TRIM77: variants seen among roughly 807,000 people sequenced by gnomAD.
The protein encoded by TRIM77 is tripartite motif containing 77.
TRIM77 carries 23 observed loss-of-function variants against 31.8 expected under a neutral mutation model. That is an observed-to-expected ratio of 0.72 (90% confidence interval 0.52 to 1.02). The LOEUF is 1.02. Among genes scored for constraint, TRIM77 ranks in the 50% least tolerant of loss-of-function variants. TRIM77 has a pLI of 0.00. For missense variants in TRIM77, 446 were observed against 539.2 expected (o/e 0.83, Z 1.71); for synonymous variants, 159 against 183.1 (o/e 0.87, Z 1.06).
In TRIM77 at chr11:89,717,473, G is replaced by A; in HGVS notation, c.954G>A (p.Met318Ile). The change falls in exon 6 of 6, where the codon ATG (methionine) becomes ATA (isoleucine). Residue 318 changes from methionine (M) to isoleucine (I), a missense_variant. Met to Ile is a conservative substitution (Grantham distance 10). Coordinates refer to ENST00000398290, the MANE Select transcript of TRIM77 (RefSeq NM_001146162.1). ...HLQCSLDDTD[M>I]SCNPTSTQYT... ...AGTGCAGCCTTGATGATACAGACAT[G>A]TCCTGTAATCCAACAAGTACACAGT... The A allele has an allele frequency of 6.4e-7, 1 of 1,551,526 alleles. No homozygotes were observed. Among genetic ancestry groups the A allele is most frequent in the Non-Finnish European group, 8.7e-7 (1 of 1,146,878 alleles).
intron 3 of TRIM77, among the ~76,000 whole-genome samples, chr11:89,714,703 T>C (rs1445474812): frequency 6.6e-6 from 1 of 152,200 alleles, no homozygotes; most frequent in African/African-American, 2.4e-5. Context: ...TTCTTAGTAG[T>C]TGCAACAGAG....
At chr11:89,713,159 C>A (rs2134544137) in intron 2 of TRIM77, among the ~76,000 whole-genome samples, 1 of 150,654 alleles carries the variant, frequency 6.6e-6, no homozygotes, top group Admixed American at 6.7e-5. Flanking sequence ...GTAGTCCCAG[C>A]TACTTAGGAC....
At chr11:89,716,279 A>G (rs1949160681) in intron 5 of TRIM77, among the ~76,000 whole-genome samples, 1 of 152,184 alleles carries the variant, frequency 6.6e-6, no homozygotes, top group Non-Finnish European at 1.5e-5. Flanking sequence ...TAAAGCATTC[A>G]TTTTTCAGTG....
chr11:89,712,883 A>G (rs1259857644), intron 2 of TRIM77, among the ~76,000 whole-genome samples: 3 of 152,160 alleles, frequency 2.0e-5, no homozygotes, highest in Admixed American at 6.5e-5. Context: ...AGCTAGATGA[A>G]GTAATTGGGA....
At chr11:89,714,450 G>A in intron 3 of TRIM77, 28 bp downstream of exon 3, 3 of 1,441,046 alleles carry the variant, frequency 2.1e-6, no homozygotes, top group Non-Finnish European at 2.9e-6. Flanking sequence ...TCAGGGTGCT[G>A]AACACCACCC....
At chr11:89,712,951 G>A (rs1284265029) in intron 2 of TRIM77, among the ~76,000 whole-genome samples, 1 of 152,008 alleles carries the variant, frequency 6.6e-6, no homozygotes, top group African/African-American at 2.4e-5. Flanking sequence ...GTATTTAAAG[G>A]TGGTATGGAA....
intron 2 of TRIM77, among the ~76,000 whole-genome samples, chr11:89,712,797 C>T (rs1232153927): frequency 6.6e-6 from 1 of 152,134 alleles, no homozygotes; most frequent in Non-Finnish European, 1.5e-5. Flanking sequence ...TCTTTAATCA[C>T]ACACATGAGC....
Position 89,717,725 on chromosome 11 carries a change from G to T in TRIM77, c.1206G>T (p.Arg402Ser), listed in dbSNP as rs1464892306. 3 of 1,551,216 alleles carry T rather than the reference G, an allele frequency of 1.9e-6. No homozygotes were observed. The highest frequency in any genetic ancestry group is 1.7e-6 in the Non-Finnish European group (2 of 1,146,712). Residue 402 changes from arginine (R) to serine (S), a missense_variant, in exon 6 of 6, where the codon AGG becomes AGT. Coordinates refer to ENST00000398290, the MANE Select transcript of TRIM77 (RefSeq NM_001146162.1). ...CACTGTTACCTCACTATATTCCAAG[G>T]CCCCAAGGCTGGCTAGGGGTGTTCC... ...TSPLLPHYIP[R>S]PQGWLGVFLD...
intron 4 of TRIM77, among the ~76,000 whole-genome samples, chr11:89,715,474 T>C (rs1254343325): frequency 1.3e-5 from 2 of 152,060 alleles, no homozygotes; most frequent in Non-Finnish European, 2.9e-5. Context: ...GAAAGGCAAA[T>C]AATCTCAGAG....
intron 2 of TRIM77, among the ~76,000 whole-genome samples, chr11:89,712,881 G>T (rs1949131882): frequency 6.6e-6 from 1 of 152,112 alleles, no homozygotes; most frequent in South Asian, 2.1e-4. Flanking sequence ...GAAGCTAGAT[G>T]AAGTAATTGG....
intron 2 of TRIM77, among the ~76,000 whole-genome samples, 174 bp downstream of exon 2, chr11:89,711,679 A>T (rs1949123327): frequency 6.6e-6 from 1 of 152,192 alleles, no homozygotes; most frequent in Non-Finnish European, 1.5e-5. Flanking sequence ...GTTGAATCCA[A>T]TATATAACTA....
intron 2 of TRIM77, among the ~76,000 whole-genome samples, chr11:89,712,105 C>T (rs1231607774): frequency 6.6e-6 from 1 of 152,060 alleles, no homozygotes; most frequent in African/African-American, 2.4e-5. Context: ...AATCCATTCA[C>T]AAATATGAAT....
At chr11:89,714,088 A>G (rs1967075) in intron 2 of TRIM77, 104 bp from the exon 3 acceptor site, 250,327 of 735,582 alleles carry the variant, frequency 0.34, 44,066 homozygotes, top group Non-Finnish European at 0.38. Context: ...GCATTAAACT[A>G]TATTTAGTAG....
chr11:89,713,723 G>A (rs1385405633), intron 2 of TRIM77, among the ~76,000 whole-genome samples: 1 of 152,066 alleles, frequency 6.6e-6, no homozygotes, highest in Non-Finnish European at 1.5e-5. Flanking sequence ...ATAGAGATGT[G>A]TAGTCTTAGG....
chr11:89,711,452 C>T lies in TRIM77; in HGVS notation c.454C>T (p.Gln152Ter), dbSNP rs1452270025. ...IQMKSIWKKKQKNQRNLNRET... is the reference protein window; with the variant it reads ...IQMKSIWKKK ...AATGAAGTCCATCTGGAAAAAAAAA[C>T]AGAAAAATCAAAGAAATCTAAACAG... Residue 152 changes from glutamine to a stop codon, truncating the protein, a stop_gained, in exon 2 of 6, where the codon CAG becomes TAG. Coordinates refer to ENST00000398290, the MANE Select transcript of TRIM77 (RefSeq NM_001146162.1). LOFTEE classifies it high-confidence loss of function. The T allele has an allele frequency of 2.0e-5, 30 of 1,509,228 alleles. No homozygotes were observed. Among genetic ancestry groups the T allele is most frequent in the Admixed American group, 5.0e-5 (2 of 40,350 alleles). The allele number at this position is 1,509,228 out of a possible 1,614,324, so 93.5% of individuals were successfully genotyped here.
chr11:89,710,328 C>A lies in TRIM77; in HGVS notation c.30C>A (p.Thr10=). The change falls in exon 1 of 6, where the codon ACC becomes ACA. Residue 10 remains threonine (T), a synonymous_variant. Coordinates refer to ENST00000398290, the MANE Select transcript of TRIM77 (RefSeq NM_001146162.1). ...CTTCTGCTATCACGCAGTGTTCTAC[C>A]AGTGAGCTCACCTGCTCGATCTGCA... MASAITQCS[T]SELTCSICTD... The A allele has an allele frequency of 6.5e-7, 1 of 1,539,916 alleles. No individual in the cohort carries two copies. The highest frequency in any genetic ancestry group is 8.8e-7 in the Non-Finnish European group (1 of 1,137,050).
chr11:89,715,849 C>T (rs1455650060), intron 4 of TRIM77, 41 bp from the exon 5 acceptor site: 1 of 1,366,512 alleles, frequency 7.3e-7, no homozygotes, highest in African/African-American at 1.4e-5. Context: ...CTAATGATTC[C>T]TTTGGGACTG....
chr11:89,710,806 T>C, intron 1 of TRIM77, 97 bp downstream of exon 1: 4 of 1,057,426 alleles, frequency 3.8e-6, no homozygotes, highest in Non-Finnish European at 5.3e-6. Context: ...TTATTAATAA[T>C]TTTATGCAAT....
At chr11:89,713,786 G>T (rs1385176591) in intron 2 of TRIM77, among the ~76,000 whole-genome samples, 1 of 152,072 alleles carries the variant, frequency 6.6e-6, no homozygotes, top group East Asian at 1.9e-4. Flanking sequence ...TTTTGGAAAT[G>T]GAAGTAATTT....
Sources: gnomAD v4.1 joint callset for allele counts (sites outside exome capture counted in the v4.1 genomes callset) on GRCh38, gnomAD v4.1.1 for gene constraint, MANE v1.5 for transcripts, NCBI Gene and HGNC (gene_info 2026-07-23, HGNC 2026-07-21) for gene names.